The following AKAP13 variants were observed in gnomAD, a reference collection of about 807,000 sequenced individuals.
AKAP13 encodes the protein A-kinase anchoring protein 13, also known as A-kinase anchor protein 13.
AKAP13 carries 80 observed loss-of-function variants against 264.5 expected under a neutral mutation model. The ratio of observed to expected loss-of-function variants is 0.30; its 90% CI spans 0.25 to 0.36. The LOEUF is 0.36. Ranked by LOEUF, AKAP13 falls within the 10% of genes least tolerant of loss-of-function variation. AKAP13 has a pLI of 1.00. For missense variants in AKAP13, 3,712 were observed against 3,435.2 expected (o/e 1.08, Z -2.01); for synonymous variants, 1,380 against 1,250.2 (o/e 1.10, Z -2.19).
At chr15:85,736,187 G>T in intron 33 of AKAP13, 53 bp downstream of exon 33, 1 of 1,398,458 alleles carries the variant, frequency 7.2e-7, no homozygotes, top group Non-Finnish European at 9.9e-7. Flanking sequence ...TCATTGTCAA[G>T]TTAGGAATAT....
At chr15:85,570,293 A>C (rs1202268630) in intron 5 of AKAP13, among the ~76,000 whole-genome samples, 1 of 151,954 alleles carries the variant, frequency 6.6e-6, no homozygotes, top group East Asian at 1.9e-4. Context: ...TCTACTAAAA[A>C]TAGAAAAATT....
chr15:85,654,731 G>T (rs1207814287), intron 10 of AKAP13, among the ~76,000 whole-genome samples: 1 of 152,062 alleles, frequency 6.6e-6, no homozygotes, highest in Non-Finnish European at 1.5e-5. Flanking sequence ...GGCTGAGGTG[G>T]GAGGATCACT....
intron 2 of AKAP13, among the ~76,000 whole-genome samples, chr15:85,488,995 G>T (rs1410923746): frequency 2.6e-5 from 4 of 152,220 alleles, no homozygotes; most frequent in Non-Finnish European, 4.4e-5. Flanking sequence ...GATAAATGCA[G>T]TTAGGTCAGT....
At position 85,718,841 on chromosome 15, in the gene AKAP13, A is replaced by G. The variant is rs532525914; in HGVS notation, c.6002-235A>G. The G allele has an allele frequency of 8.6e-5, 42 of 488,594 alleles. No homozygotes were observed. The Admixed American group carries it at 1.4e-3, about 17-fold the overall frequency. The allele number at this position is 488,594 out of a possible 1,614,324, so 30.3% of individuals were successfully genotyped here. Reference sequence around the variant, plus strand: ...CTTGAGCCCAGGAGGTTGAGGCTGCAATGAGCCATGACTTCAGCCTGCACT... The same window carrying G: ...CTTGAGCCCAGGAGGTTGAGGCTGCGATGAGCCATGACTTCAGCCTGCACT... On this transcript the variant is annotated intron_variant, in intron 22 of 36. Transcript: ENST00000394518. The surrounding 1 kb of genome is among the most constrained non-coding windows in gnomAD (Gnocchi z 4.9).
intron 12 of AKAP13, among the ~76,000 whole-genome samples, chr15:85,662,725 C>T (rs1444765692): frequency 1.3e-5 from 2 of 152,104 alleles, no homozygotes; most frequent in Non-Finnish European, 2.9e-5. Flanking sequence ...TTTGGTTTGT[C>T]TTGATTTTCA....
chr15:85,605,661 A>T (rs138520796), intron 8 of AKAP13, among the ~76,000 whole-genome samples: 444 of 152,340 alleles, frequency 2.9e-3, no homozygotes, highest in African/African-American at 0.01. Flanking sequence ...AGGTACTGGG[A>T]TATAAGCTTA....
chr15:85,432,078 T>C (rs1021757966), intron 1 of AKAP13, among the ~76,000 whole-genome samples: 39 of 151,670 alleles, frequency 2.6e-4, no homozygotes, highest in African/African-American at 9.4e-4. Context: ...GAATGTTACA[T>C]ACCAGATTAG....
At position 85,743,583 on chromosome 15, in the gene AKAP13, A is replaced by G; in HGVS notation, c.8150A>G (p.Lys2717Arg). 1 of 1,614,104 alleles carries G rather than the reference A, an allele frequency of 6.2e-7. No individual in the cohort carries two copies. The highest frequency in any genetic ancestry group is 8.5e-7 in the Non-Finnish European group (1 of 1,180,012). The change falls in exon 36 of 37, where the codon AAA becomes AGA. Residue 2717 changes from lysine (K) to arginine (R), a missense_variant. Physicochemically the swap from Lys to Arg is conservative, Grantham distance 26. Coordinates refer to ENST00000394518, the MANE Select transcript of AKAP13 (RefSeq NM_007200.5). ...PPSPSAPSIA[K>R]SGSLDSELSV... is the part of the protein sequence containing the mutation. Reference sequence around the variant, plus strand: ...TCGCCATCTGCACCTTCCATAGCCAAATCAGGGTCATTGGACTCAGAACTT... The same window carrying G: ...TCGCCATCTGCACCTTCCATAGCCAGATCAGGGTCATTGGACTCAGAACTT...
Position 85,623,104 on chromosome 15 carries a change from G to T in AKAP13, c.4162-16270G>T, listed in dbSNP as rs144502193. ...TTTCTAATTTCAGTATTTTCTATCAGTGTTTTAAAAACTATAGTTGGGTGC... is the reference window on the plus strand; with the variant it reads ...TTTCTAATTTCAGTATTTTCTATCATTGTTTTAAAAACTATAGTTGGGTGC... On this transcript the variant is annotated intron_variant, in intron 8 of 36. Coordinates refer to ENST00000394518, the MANE Select transcript of AKAP13 (RefSeq NM_007200.5). Among the ~76,000 whole-genome samples the T allele has an allele frequency of 6.3e-3, 953 of 152,132 alleles. 11 individuals carry two copies. The highest frequency in any genetic ancestry group is 0.022 in the African/African-American group (895 of 41,492).
chr15:85,691,459 A>G (rs1385221320), intron 16 of AKAP13, among the ~76,000 whole-genome samples: 1 of 152,162 alleles, frequency 6.6e-6, no homozygotes, highest in African/African-American at 2.4e-5. Flanking sequence ...TAGTTCTTCA[A>G]GTTTTCAGTG....
At chr15:85,643,626 G>A (rs1047930096) in intron 9 of AKAP13, among the ~76,000 whole-genome samples, 7 of 152,120 alleles carry the variant, frequency 4.6e-5, no homozygotes, top group Admixed American at 1.3e-4. Flanking sequence ...TCTTGACATA[G>A]TCATTCTGTG....
intron 17 of AKAP13, among the ~76,000 whole-genome samples, chr15:85,696,210 C>T (rs191869301): frequency 3.3e-5 from 5 of 152,274 alleles, no homozygotes; most frequent in Admixed American, 2.0e-4. Flanking sequence ...GTGTAACTCT[C>T]ATCATTTTCA....
At position 85,743,643 on chromosome 15, in the gene AKAP13, C is replaced by T. The variant is rs1253391667; in HGVS notation, c.8210C>T (p.Thr2737Ile). The change falls in exon 36 of 37, where the codon ACA (threonine) becomes ATA (isoleucine). Residue 2737 changes from threonine to isoleucine, a missense_variant. Transcript: ENST00000394518. ...VSPKRNSISR[T>I]HKDKGPFHIL... ...CCAAAAAGGAACAGCATCTCTCGGA[C>T]ACACAAAGATAAGGGGCCTTTTCAC... is the stretch of plus-strand genomic sequence containing the variant. The T allele has an allele frequency of 1.9e-6, 3 of 1,614,162 alleles. No individual in the cohort carries two copies. Among genetic ancestry groups the T allele is most frequent in the Non-Finnish European group, 2.5e-6 (3 of 1,180,036 alleles).
intron 10 of AKAP13, 39 bp downstream of exon 10, chr15:85,645,993 T>TTTCCTTTCA: frequency 6.3e-7 from 1 of 1,598,186 alleles, no homozygotes; most frequent in Non-Finnish European, 8.5e-7. Context: ...GTCACACGGC[T>TTTCCTTTCA]TTTGTGTTCC....
intron 13 of AKAP13, among the ~76,000 whole-genome samples, chr15:85,666,173 C>A (rs2083586677): frequency 2.6e-5 from 4 of 152,312 alleles, no homozygotes; most frequent in South Asian, 2.1e-4. Flanking sequence ...CTCTCCATAT[C>A]CTCTCCAGCA....
chr15:85,399,640 C>A (rs1270992263), intron 1 of AKAP13, among the ~76,000 whole-genome samples: 1 of 151,232 alleles, frequency 6.6e-6, no homozygotes, highest in Non-Finnish European at 1.5e-5. Flanking sequence ...CTCTGTATTT[C>A]TAAAAGGATA....
At chr15:85,442,480 TA>T (rs548733595) in intron 1 of AKAP13, among the ~76,000 whole-genome samples, 16 of 116,566 alleles carry the variant, frequency 1.4e-4, no homozygotes, top group South Asian at 1.3e-3. Context: ...ATATATTATA[TA>T]ATATATATAA....
chr15:85,442,382 C>T (rs536534301), intron 1 of AKAP13, among the ~76,000 whole-genome samples: 82 of 135,730 alleles, frequency 6.0e-4, no homozygotes, highest in African/African-American at 2.3e-3. Context: ...TGCACTCCAG[C>T]CTGGGTGATA....
At chr15:85,540,420 TGAC>T (rs762184659) in intron 4 of AKAP13, among the ~76,000 whole-genome samples, 7 of 152,206 alleles carry the variant, frequency 4.6e-5, no homozygotes, top group Non-Finnish European at 7.3e-5. Context: ...GCTATTATTA[TGAC>T]GACAAGGATG....
Sources: gnomAD v4.1 joint callset for allele counts (sites outside exome capture counted in the v4.1 genomes callset) on GRCh38, gnomAD v4.1.1 for gene constraint, Gnocchi (gnomAD v3.1) non-coding constraint, MANE v1.5 for transcripts, NCBI Gene and HGNC (gene_info 2026-07-23, HGNC 2026-07-21) for gene names.